The following PTPRO variants were observed in gnomAD, a reference collection of about 807,000 sequenced individuals.
The protein encoded by PTPRO is protein tyrosine phosphatase receptor type O.
Under a neutral mutation model 145.2 loss-of-function variants are expected in PTPRO, and 62 were observed. The observed-to-expected ratio is 0.43, with a 90% CI of 0.35 to 0.53. The LOEUF is 0.53. PTPRO is among the 20% of genes least tolerant of loss of function. The pLI is 0.01. For synonymous variants in PTPRO, 565 were observed against 514.7 expected (o/e 1.10, Z -1.32); for missense variants, 1,345 against 1,482.7 (o/e 0.91, Z 1.53).
chr12:15,358,645 A>G lies in PTPRO; in HGVS notation c.75+35844A>G, dbSNP rs574713105. Among the ~76,000 whole-genome samples, 36 of 152,342 alleles carry G rather than the reference A, an allele frequency of 2.4e-4. No individual in the cohort carries two copies. In the South Asian group the frequency reaches 7.0e-3, roughly 30 times the overall value. ...AATTCTGTGTTACATGAAGTGTCCA[A>G]GATCTCACAGTAGCTTAAGCAAAGA... On this transcript the variant is annotated intron_variant, in intron 1 of 26. Coordinates refer to ENST00000281171, the MANE Select transcript of PTPRO (RefSeq NM_030667.3).
intron 12 of PTPRO, among the ~76,000 whole-genome samples, chr12:15,534,586 G>C (rs1262520126): frequency 6.6e-6 from 1 of 152,094 alleles, no homozygotes; most frequent in Admixed American, 6.6e-5. Context: ...TGTGGTCAAA[G>C]CTTTCTTTGA....
chr12:15,574,967 C>A (rs965758434), intron 19 of PTPRO, among the ~76,000 whole-genome samples: 1 of 152,096 alleles, frequency 6.6e-6, no homozygotes, highest in African/African-American at 2.4e-5. Flanking sequence ...CTGTGGCCCC[C>A]CAAAATTCCT....
chr12:15,586,360 A>G (rs770020317), intron 23 of PTPRO, among the ~76,000 whole-genome samples: 9 of 152,192 alleles, frequency 5.9e-5, no homozygotes, highest in African/African-American at 9.6e-5. Flanking sequence ...CTCACTCTGA[A>G]AAAGGCTGGA....
intron 3 of PTPRO, among the ~76,000 whole-genome samples, chr12:15,497,803 A>T (rs1002019518): frequency 4.6e-5 from 7 of 152,246 alleles, no homozygotes; most frequent in Admixed American, 4.6e-4. Flanking sequence ...TTTCACTTGG[A>T]GATGATCCAA....
At chr12:15,341,568 C>A (rs1866986529) in intron 1 of PTPRO, among the ~76,000 whole-genome samples, 1 of 152,204 alleles carries the variant, frequency 6.6e-6, no homozygotes, top group Non-Finnish European at 1.5e-5. Context: ...AGCTCTCAAT[C>A]TGTTTCATGA....
intron 6 of PTPRO, among the ~76,000 whole-genome samples, chr12:15,506,191 C>T (rs536758076): frequency 6.6e-6 from 1 of 152,314 alleles, no homozygotes; most frequent in East Asian, 1.9e-4. Context: ...GCCCCCACTA[C>T]ACTAGTACTC....
At chr12:15,595,606 C>T (rs1944643341) in intron 26 of PTPRO, 1 of 157,564 alleles carries the variant, frequency 6.3e-6, no homozygotes, top group South Asian at 1.9e-4. Flanking sequence ...ACGTCCTGTA[C>T]TCCAGTTTTG....
At chr12:15,478,992 T>G (rs927739499) in intron 1 of PTPRO, among the ~76,000 whole-genome samples, 2 of 152,160 alleles carry the variant, frequency 1.3e-5, no homozygotes, top group African/African-American at 2.4e-5. Context: ...TTTTTTAAAA[T>G]ACATACTCTT....
At chr12:15,589,710 C>T in intron 25 of PTPRO, 120 bp downstream of exon 25, 1 of 1,287,932 alleles carries the variant, frequency 7.8e-7, no homozygotes, top group South Asian at 1.3e-5. Context: ...TTCCCATTTT[C>T]TTATTGTATA....
chr12:15,374,231 G>C (rs1026626351), intron 1 of PTPRO, among the ~76,000 whole-genome samples: 1 of 152,074 alleles, frequency 6.6e-6, no homozygotes, highest in Non-Finnish European at 1.5e-5. Context: ...AAGGAAAGAA[G>C]GAAGGTAAAA....
intron 1 of PTPRO, among the ~76,000 whole-genome samples, chr12:15,423,337 T>C (rs1445652866): frequency 6.6e-6 from 1 of 152,212 alleles, no homozygotes; most frequent in Non-Finnish European, 1.5e-5. Context: ...AATTATCTTT[T>C]AAATGTATGT....
At chr12:15,430,192 A>G (rs1317603085) in intron 1 of PTPRO, among the ~76,000 whole-genome samples, 1 of 151,790 alleles carries the variant, frequency 6.6e-6, no homozygotes, top group Non-Finnish European at 1.5e-5. Flanking sequence ...TCACAGTTTC[A>G]GAGAGGAGTC....
chr12:15,545,073 C>T (rs1426572713), intron 12 of PTPRO, among the ~76,000 whole-genome samples: 2 of 152,036 alleles, frequency 1.3e-5, no homozygotes, highest in Admixed American at 6.6e-5. Context: ...ACTTCTTGGT[C>T]CTGGGCAGAG....
intron 1 of PTPRO, among the ~76,000 whole-genome samples, chr12:15,396,835 T>C (rs1939355568): frequency 6.6e-6 from 1 of 152,164 alleles, no homozygotes; most frequent in Non-Finnish European, 1.5e-5. Context: ...GGACTTAATC[T>C]TTTGCCTTCC....
intron 1 of PTPRO, among the ~76,000 whole-genome samples, chr12:15,415,155 G>A (rs947362450): frequency 1.3e-5 from 2 of 152,028 alleles, no homozygotes; most frequent in East Asian, 3.9e-4. Context: ...CGTCACATGA[G>A]AACACCAAAA....
chr12:15,462,592 CT>C (rs1195657631), intron 1 of PTPRO, among the ~76,000 whole-genome samples: 1 of 152,154 alleles, frequency 6.6e-6, no homozygotes, highest in Non-Finnish European at 1.5e-5. Flanking sequence ...CAATCATGTT[CT>C]TGTAGATAAT....
chr12:15,554,519 T>G (rs928221650), intron 15 of PTPRO, among the ~76,000 whole-genome samples: 3 of 152,102 alleles, frequency 2.0e-5, no homozygotes, highest in Non-Finnish European at 2.9e-5. Flanking sequence ...GTAGGCTGTC[T>G]GCAAGCTTGA....
rs998070740 is a variant in PTPRO, at chr12:15,597,790, C to T, written c.*1717C>T. On this transcript the variant is annotated 3_prime_UTR_variant, in exon 27 of 27. Transcript: ENST00000281171. ...ACCACCTCCTCCTCTTCTTCTCACC[C>T]CCGACTCCTTTATTTCCCTTTTTGG... Among the ~76,000 whole-genome samples the T allele has an allele frequency of 6.6e-6, 1 of 152,190 alleles. No individual in the cohort carries two copies. The highest frequency in any genetic ancestry group is 1.5e-5 in the Non-Finnish European group (1 of 68,040).
chr12:15,572,730 A>AT (rs1241604695), intron 19 of PTPRO, among the ~76,000 whole-genome samples: 5 of 151,790 alleles, frequency 3.3e-5, no homozygotes, highest in African/African-American at 1.2e-4. Flanking sequence ...TTTTAAGTAC[A>AT]TTTTCTCATC....
Sources: gnomAD v4.1 joint callset for allele counts (sites outside exome capture counted in the v4.1 genomes callset) on GRCh38, gnomAD v4.1.1 for gene constraint, MANE v1.5 for transcripts, NCBI Gene and HGNC (gene_info 2026-07-23, HGNC 2026-07-21) for gene names.